PXDNL: variants seen among roughly 807,000 people sequenced by gnomAD.
PXDNL encodes the protein peroxidasin like, also known as probable oxidoreductase PXDNL.
PXDNL carries 145 observed loss-of-function variants against 150.8 expected under a neutral mutation model. The observed-to-expected ratio is 0.96, with a 90% CI of 0.84 to 1.10. PXDNL has a LOEUF of 1.10. PXDNL is among the 50% of genes least tolerant of loss of function. The pLI is 0.00. For synonymous variants in PXDNL, 757 were observed against 725.7 expected (o/e 1.04, Z -0.69); for missense variants, 2,087 against 1,873.9 (o/e 1.11, Z -2.10).
intron 17 of PXDNL, among the ~76,000 whole-genome samples, chr8:51,391,109 T>A (rs1218192398): frequency 6.6e-6 from 1 of 152,180 alleles, no homozygotes; most frequent in African/African-American, 2.4e-5. Context: ...TATTCCATGG[T>A]GTATATGTGC....
intron 17 of PXDNL, among the ~76,000 whole-genome samples, chr8:51,388,760 ATCTG>A (rs1012513393): frequency 6.6e-6 from 1 of 151,800 alleles, no homozygotes; most frequent in Non-Finnish European, 1.5e-5. Flanking sequence ...TATTATTCTC[ATCTG>A]TCTGTACTAC....
intron 1 of PXDNL, among the ~76,000 whole-genome samples, chr8:51,733,894 A>G (rs1344264521): frequency 2.7e-5 from 4 of 148,912 alleles, no homozygotes; most frequent in African/African-American, 7.4e-5. Context: ...CATATAAAGG[A>G]AAAAACAAAA....
intron 1 of PXDNL, among the ~76,000 whole-genome samples, chr8:51,788,464 A>G (rs933907892): frequency 6.6e-6 from 1 of 152,242 alleles, no homozygotes; most frequent in Non-Finnish European, 1.5e-5. Context: ...TCCAGCTTGG[A>G]CATGAAATGA....
intron 4 of PXDNL, among the ~76,000 whole-genome samples, chr8:51,555,228 C>A (rs1812575643): frequency 6.6e-6 from 1 of 152,070 alleles, no homozygotes; most frequent in Non-Finnish European, 1.5e-5. Flanking sequence ...AGAGAGAGAG[C>A]AAGAAGAAAC....
At chr8:51,719,356 C>T (rs10104295) in intron 1 of PXDNL, among the ~76,000 whole-genome samples, 1,620 of 152,290 alleles carry the variant, frequency 0.011, 25 homozygotes, top group African/African-American at 0.032. Flanking sequence ...ACCTGGTGCT[C>T]TCTAAAACAT....
At chr8:51,356,834 CCT>C (rs893607949) in intron 19 of PXDNL, among the ~76,000 whole-genome samples, 12 of 152,280 alleles carry the variant, frequency 7.9e-5, no homozygotes, top group African/African-American at 2.9e-4. Flanking sequence ...ACCAGCTACG[CCT>C]CTGTCGGAGC....
chr8:51,535,723 A>T (rs1365690618), intron 4 of PXDNL, among the ~76,000 whole-genome samples: 2 of 138,204 alleles, frequency 1.4e-5, no homozygotes, highest in African/African-American at 6.1e-5. Flanking sequence ...ATAAAAAAAT[A>T]AATAAATAAA....
In PXDNL at chr8:51,408,512, G is replaced by A; in HGVS notation, c.3112C>T (p.Pro1038Ser). ...TTAATGATGCCTGCATTCACGTTGGGGTTGTAGCCTCGGTAACCCCTCAGC... is the reference window on the plus strand; with the variant it reads ...TTAATGATGCCTGCATTCACGTTGGAGTTGTAGCCTCGGTAACCCCTCAGC... Reference protein sequence around the residue: ...RMLRGYRGYNPNVNAGIINSF... With the variant: ...RMLRGYRGYNSNVNAGIINSF... The change falls in exon 17 of 23, where the codon CCC becomes TCC. Residue 1038 changes from proline (P) to serine (S), a missense_variant. Transcript: ENST00000356297. 2 of 1,613,234 alleles carry A rather than the reference G, an allele frequency of 1.2e-6. No individual in the cohort carries two copies. Among genetic ancestry groups the A allele is most frequent in the South Asian group, 1.1e-5 (1 of 90,920 alleles).
chr8:51,711,921 A>G (rs1021458486), intron 1 of PXDNL, among the ~76,000 whole-genome samples: 1 of 152,248 alleles, frequency 6.6e-6, no homozygotes, highest in Non-Finnish European at 1.5e-5. Context: ...TGCTTGCAGC[A>G]CAGAAAGCCA....
chr8:51,663,804 A>T (rs562639315), intron 1 of PXDNL, among the ~76,000 whole-genome samples: 2 of 152,214 alleles, frequency 1.3e-5, no homozygotes, highest in Admixed American at 6.5e-5. Flanking sequence ...TAATCCCAGC[A>T]CTTTGGGAAG....
intron 1 of PXDNL, among the ~76,000 whole-genome samples, chr8:51,665,692 C>T (rs766252531): frequency 2.6e-5 from 4 of 152,074 alleles, no homozygotes; most frequent in Non-Finnish European, 5.9e-5. Context: ...CCTTCCAATC[C>T]AAAATCAATT....
chr8:51,531,342 C>T (rs990249266), intron 4 of PXDNL, among the ~76,000 whole-genome samples: 1 of 152,322 alleles, frequency 6.6e-6, no homozygotes, highest in South Asian at 2.1e-4. Context: ...TGCTTGCTTG[C>T]TTGGCTCTTA....
intron 17 of PXDNL, among the ~76,000 whole-genome samples, chr8:51,399,896 T>C (rs938039158): frequency 1.3e-5 from 2 of 152,250 alleles, no homozygotes; most frequent in Non-Finnish European, 2.9e-5. Flanking sequence ...TATGATTTTG[T>C]ATGGCATATA....
intron 12 of PXDNL, among the ~76,000 whole-genome samples, chr8:51,435,168 A>G (rs1367198943): frequency 1.3e-5 from 2 of 152,116 alleles, no homozygotes; most frequent in Admixed American, 1.3e-4. Context: ...AAACACAAAA[A>G]AAATTAGCCA....
intron 1 of PXDNL, among the ~76,000 whole-genome samples, chr8:51,757,555 T>G (rs1030574252): frequency 2.0e-5 from 3 of 152,318 alleles, no homozygotes; most frequent in African/African-American, 7.2e-5. Context: ...TTTCATGGAG[T>G]TTATCAGACC....
intron 2 of PXDNL, among the ~76,000 whole-genome samples, chr8:51,611,903 A>G (rs987750655): frequency 1.8e-4 from 27 of 152,224 alleles, no homozygotes; most frequent in Non-Finnish European, 3.8e-4. Context: ...TGCCGAAGGG[A>G]AGGCCCGGGG....
intron 2 of PXDNL, among the ~76,000 whole-genome samples, chr8:51,602,121 A>G (rs1465120687): frequency 6.6e-6 from 1 of 150,774 alleles, no homozygotes; most frequent in Non-Finnish European, 1.5e-5. Context: ...TTTTTTCTTG[A>G]GCATTGATTT....
At chr8:51,559,307 T>A (rs907304682) in intron 3 of PXDNL, among the ~76,000 whole-genome samples, 1 of 146,612 alleles carries the variant, frequency 6.8e-6, no homozygotes, top group African/African-American at 2.6e-5. Context: ...GCTGAAAGTT[T>A]GGCTTATTTT....
chr8:51,385,192 A>G (rs1807661855), intron 17 of PXDNL, among the ~76,000 whole-genome samples: 1 of 152,146 alleles, frequency 6.6e-6, no homozygotes, highest in Non-Finnish European at 1.5e-5. Context: ...ACATACAGTA[A>G]CCCTTTGAAA....
Sources: allele counts gnomAD v4.1 joint callset (sites outside exome capture counted in the v4.1 genomes callset), GRCh38; gene constraint gnomAD v4.1.1; transcripts MANE v1.5; gene names NCBI Gene and HGNC (gene_info 2026-07-23, HGNC 2026-07-21).